KSR2: variants seen among roughly 807,000 people sequenced by gnomAD.
KSR2 encodes the protein kinase suppressor of ras 2.
KSR2 carries 25 observed loss-of-function variants against 107.8 expected under a neutral mutation model. The observed-to-expected ratio is 0.23, with a 90% CI of 0.17 to 0.32. The LOEUF is 0.32. Ranked by LOEUF, KSR2 falls within the 10% of genes least tolerant of loss-of-function variation. The pLI is 1.00. For missense variants in KSR2, 887 were observed against 1,268.9 expected, an observed-to-expected ratio of 0.70 and a Z score of 4.57; for synonymous variants, 480 against 507.0, an observed-to-expected ratio of 0.95 and a Z score of 0.71.
Position 117,968,304 on chromosome 12 carries a change from A to ATGG in KSR2, c.-50_-49insCCA. 1 of 680,646 alleles carries ATGG rather than the reference A, an allele frequency of 1.5e-6. No individual in the cohort carries two copies. Among genetic ancestry groups the ATGG allele is most frequent in the Non-Finnish European group, 1.9e-6 (1 of 526,566 alleles). 42.2% of individuals were successfully genotyped at this position (680,646 alleles called of 1,614,324 possible). A position where few individuals can be genotyped will look rare whatever the true frequency, so the allele number is the denominator to read the frequency against. On this transcript the variant is annotated 5_prime_UTR_variant, in exon 1 of 20. Transcript: ENST00000339824. The stretch of plus-strand genomic sequence containing the variant: ...CCTCCTCCTCCTCCCAGAGAGAAAA[A>ATGG]AGAGGGGGGGGAGTAGAGGTAGTCT...
At position 117,794,154 on chromosome 12, in the gene KSR2, A is replaced by G. The variant is rs1356299369; in HGVS notation, c.473-32630T>C. On this transcript the variant is annotated intron_variant, in intron 3 of 19. Transcript: ENST00000339824. ...CCAACATGCACACACCCCAACATGCACACATACACCAACATGCGCACACAC... is the reference window on the plus strand; with the variant it reads ...CCAACATGCACACACCCCAACATGCGCACATACACCAACATGCGCACACAC... 4.9e-4 allele frequency among the ~76,000 whole-genome samples: 63 copies of G among 127,556 alleles called. 1 individual carries two copies. Among genetic ancestry groups the G allele is most frequent in the Non-Finnish European group, 7.0e-4 (42 of 60,298 alleles). 83.7% of individuals were successfully genotyped at this position (127,556 alleles called of 152,430 possible). A position where few individuals can be genotyped will look rare whatever the true frequency, so the allele number is the denominator to read the frequency against.
rs530368815 is a variant in KSR2, at chr12:117,709,511, A to G, written c.987-41853T>C. Among the ~76,000 whole-genome samples the G allele has an allele frequency of 2.0e-5, 3 of 152,140 alleles. No homozygotes were observed. The East Asian group carries it at 5.8e-4, about 30-fold the overall frequency. On this transcript the variant is annotated intron_variant, in intron 4 of 19. Transcript: ENST00000339824. ...GCTTATTTTTTTACTTTTTGCAGAG[A>G]CAGGGTCTTACTATCTTGCTCGGCC...
At chr12:117,848,421 A>G (rs1892776308) in intron 3 of KSR2, among the ~76,000 whole-genome samples, 2 of 152,240 alleles carry the variant, frequency 1.3e-5, no homozygotes, top group Non-Finnish European at 2.9e-5. Flanking sequence ...GTTTCACCCT[A>G]GGACCTCAGC....
intron 1 of KSR2, among the ~76,000 whole-genome samples, chr12:117,964,401 T>G (rs1382970470): frequency 6.6e-6 from 1 of 152,244 alleles, no homozygotes; most frequent in Non-Finnish European, 1.5e-5. Context: ...AGAATTTGTT[T>G]TGTCCACAGA....
intron 7 of KSR2, among the ~76,000 whole-genome samples, chr12:117,561,560 T>C (rs1302428394): frequency 6.6e-6 from 1 of 152,188 alleles, no homozygotes; most frequent in Non-Finnish European, 1.5e-5. Flanking sequence ...TTAACCACAA[T>C]GCTAAATGCC....
intron 3 of KSR2, among the ~76,000 whole-genome samples, chr12:117,814,105 C>T (rs1313620219): frequency 1.3e-5 from 2 of 152,034 alleles, no homozygotes; most frequent in Admixed American, 1.3e-4. Flanking sequence ...GGATAACAGG[C>T]TGGGAAGGCT....
At chr12:117,668,923 T>C (rs931222673) in intron 4 of KSR2, among the ~76,000 whole-genome samples, 2 of 152,140 alleles carry the variant, frequency 1.3e-5, no homozygotes, top group African/African-American at 4.8e-5. Context: ...GGAATTTAAA[T>C]ATTTGTTGAA....
intron 1 of KSR2, among the ~76,000 whole-genome samples, chr12:117,909,344 T>C (rs1328565655): frequency 6.6e-6 from 1 of 152,178 alleles, no homozygotes; most frequent in African/African-American, 2.4e-5. Context: ...TCACCTGACA[T>C]TGTTTGCCAA....
chr12:117,901,712 C>T (rs1230435426), intron 1 of KSR2, among the ~76,000 whole-genome samples: 1 of 152,064 alleles, frequency 6.6e-6, no homozygotes, highest in Non-Finnish European at 1.5e-5. Flanking sequence ...GTTTTAAGAC[C>T]TTACATTACC....
chr12:117,967,697 G>A (rs556335986), intron 1 of KSR2, among the ~76,000 whole-genome samples: 4 of 152,032 alleles, frequency 2.6e-5, no homozygotes, highest in Admixed American at 1.3e-4. Context: ...TGTATTACCC[G>A]GCACACAAGC....
At chr12:117,899,151 C>T (rs1259202516) in intron 1 of KSR2, among the ~76,000 whole-genome samples, 2 of 152,252 alleles carry the variant, frequency 1.3e-5, no homozygotes, top group South Asian at 2.1e-4. Context: ...CAACTCCCGC[C>T]CCACTTTGGG....
chr12:117,714,680 C>T lies in KSR2; in HGVS notation c.986+46331G>A, dbSNP rs115166590. On this transcript the variant is annotated intron_variant, in intron 4 of 19. Transcript: ENST00000339824. Reference sequence around the variant, plus strand: ...CCAGTCCTCTGTAACAGCTGCCTCACGACTCACAAAGTCCCTGTTCTCAAT... The same window carrying T: ...CCAGTCCTCTGTAACAGCTGCCTCATGACTCACAAAGTCCCTGTTCTCAAT... Among the ~76,000 whole-genome samples the T allele has an allele frequency of 6.4e-3, 981 of 152,280 alleles. 9 individuals are homozygous for T. Among genetic ancestry groups the T allele is most frequent in the African/African-American group, 0.022 (902 of 41,546 alleles).
chr12:117,920,687 G>A (rs1474869094), intron 1 of KSR2, among the ~76,000 whole-genome samples: 1 of 152,052 alleles, frequency 6.6e-6, no homozygotes, highest in Non-Finnish European at 1.5e-5. Context: ...TTTTTCCCAA[G>A]AGTATATTCT....
chr12:117,666,088 G>A (rs909945388), intron 5 of KSR2, among the ~76,000 whole-genome samples: 1 of 152,160 alleles, frequency 6.6e-6, no homozygotes, highest in African/African-American at 2.4e-5. Context: ...ATTTTAGTTT[G>A]CTTGATTTAG....
rs556888710 is a variant in KSR2, at chr12:117,734,931, T to C, written c.986+26080A>G. On this transcript the variant is annotated intron_variant, in intron 4 of 19. Transcript: ENST00000339824. ...AGGATGGTCTTGACTGTTTTGTGGT[T>C]ACTTTGTGTCTATCATGCCGAAGCC... Among the ~76,000 whole-genome samples the C allele has an allele frequency of 2.0e-5, 3 of 152,320 alleles. No homozygotes were observed. In the South Asian group the frequency reaches 6.2e-4, roughly 32 times the overall value.
chr12:117,597,950 A>G (rs1880738142), intron 5 of KSR2, among the ~76,000 whole-genome samples: 1 of 152,188 alleles, frequency 6.6e-6, no homozygotes, highest in Non-Finnish European at 1.5e-5. Flanking sequence ...CAGATCAGAG[A>G]AGTTCAGTAA....
intron 1 of KSR2, among the ~76,000 whole-genome samples, chr12:117,954,435 G>A (rs1179380091): frequency 6.6e-6 from 1 of 152,246 alleles, no homozygotes; most frequent in Non-Finnish European, 1.5e-5. Context: ...TGCATCGTCT[G>A]TGGGCAAATT....
chr12:117,763,248 C>T (rs903705384), intron 3 of KSR2, among the ~76,000 whole-genome samples: 3 of 151,794 alleles, frequency 2.0e-5, no homozygotes, highest in Non-Finnish European at 4.4e-5. Flanking sequence ...GCATAGTATT[C>T]CATGGTGTAT....
rs79807365 is a variant in KSR2 at position 117,779,220 on chromosome 12, T to A, written c.473-17696A>T. Reference sequence around the variant, plus strand: ...CTGTGTAAACGTCTATCAACCTTTTTAACTCCTCTTAACTAAGGCAGACAA... The same window carrying A: ...CTGTGTAAACGTCTATCAACCTTTTAAACTCCTCTTAACTAAGGCAGACAA... On this transcript the variant is annotated intron_variant, in intron 3 of 19. Transcript: ENST00000339824. 4.9e-3 allele frequency among the ~76,000 whole-genome samples: 747 copies of A among 152,314 alleles called. 27 individuals carry two copies. In the East Asian group the frequency reaches 0.09, roughly 18 times the overall value.
Sources: gnomAD v4.1 joint callset for allele counts (sites outside exome capture counted in the v4.1 genomes callset) on GRCh38, gnomAD v4.1.1 for gene constraint, MANE v1.5 for transcripts, NCBI Gene and HGNC (gene_info 2026-07-23, HGNC 2026-07-21) for gene names.